Variants in ZNF407 observed in about 807,000 individuals in gnomAD.
ZNF407 encodes zinc finger protein 407.
Under a neutral mutation model 131.2 loss-of-function variants are expected in ZNF407, and 17 were observed. That is an observed-to-expected ratio of 0.13 (90% CI 0.09 to 0.19). The LOEUF (loss-of-function observed/expected upper bound fraction) is 0.19, where lower values mean the gene tolerates loss of function less well. Ranked by LOEUF, ZNF407 falls within the 10% of genes least tolerant of loss-of-function variation. ZNF407 has a pLI of 1.00. For synonymous variants in ZNF407, 1,156 were observed against 1,062.0 expected, an observed-to-expected ratio of 1.09 and a Z score of -1.72; for missense variants, 2,681 against 2,830.6, an observed-to-expected ratio of 0.95 and a Z score of 1.20.
At chr18:74,916,189 G>T (rs1354353874) in intron 7 of ZNF407, among the ~76,000 whole-genome samples, 2 of 81,554 alleles carry the variant, frequency 2.5e-5, no homozygotes. Context: ...GCATTGGTTC[G>T]AATCGGGAGT....
Position 74,633,129 on chromosome 18 carries a change from C to G in ZNF407, c.2110C>G (p.Gln704Glu). 1 of 1,613,292 alleles carries G rather than the reference C, an allele frequency of 6.2e-7. No homozygotes were observed. Among genetic ancestry groups the G allele is most frequent in the Non-Finnish European group, 8.5e-7 (1 of 1,179,740 alleles). Residue 704 changes from glutamine to glutamate, a missense_variant, in exon 2 of 9, where the codon CAG becomes GAG. Transcript: ENST00000299687. ...TGAAGTGAGGCATTCCAGTAAGCCT[C>G]AGTTTCAGTGTAAGAAGTGTTTTTA... ...GNEVRHSSKP[Q>E]FQCKKCFYKT... is the part of the protein sequence containing the mutation.
At chr18:74,939,021 G>C (rs551436848) in intron 8 of ZNF407, among the ~76,000 whole-genome samples, 2 of 152,246 alleles carry the variant, frequency 1.3e-5, no homozygotes, top group Non-Finnish European at 2.9e-5. Context: ...TGCAGGGTAA[G>C]ACATAATCTA....
At chr18:74,619,305 A>G (rs1983429467) in intron 1 of ZNF407, among the ~76,000 whole-genome samples, 1 of 152,212 alleles carries the variant, frequency 6.6e-6, no homozygotes, top group Non-Finnish European at 1.5e-5. Context: ...TGTGTCCTAC[A>G]GCTTATTGGT....
At chr18:74,666,463 G>T (rs1280247610) in intron 3 of ZNF407, among the ~76,000 whole-genome samples, 1 of 152,150 alleles carries the variant, frequency 6.6e-6, no homozygotes. Context: ...CCTCCATGGA[G>T]CCCAGTTGCC....
intron 8 of ZNF407, among the ~76,000 whole-genome samples, chr18:75,045,215 G>A (rs145581699): frequency 4.2e-4 from 64 of 152,186 alleles, no homozygotes; most frequent in East Asian, 3.5e-3. Context: ...AGATGTGATC[G>A]TCTCAGCAGA....
chr18:75,023,512 A>G (rs1468700126), intron 8 of ZNF407, among the ~76,000 whole-genome samples: 3 of 152,128 alleles, frequency 2.0e-5, no homozygotes, highest in Admixed American at 2.0e-4. Context: ...TTTAATAACT[A>G]CCTGTCTAAG....
intron 3 of ZNF407, among the ~76,000 whole-genome samples, chr18:74,740,410 C>T (rs1007071227): frequency 3.3e-5 from 5 of 152,132 alleles, no homozygotes; most frequent in African/African-American, 1.2e-4. Flanking sequence ...TAGTAGGTAA[C>T]GTTTACAGGT....
intron 1 of ZNF407, among the ~76,000 whole-genome samples, chr18:74,600,736 A>G (rs1982543454): frequency 6.6e-6 from 1 of 152,208 alleles, no homozygotes. Context: ...AAGACTTCCA[A>G]GCGTCAAAAG....
At chr18:75,006,448 G>GT (rs1327097778) in intron 8 of ZNF407, among the ~76,000 whole-genome samples, 13 of 152,128 alleles carry the variant, frequency 8.5e-5, no homozygotes, top group African/African-American at 2.4e-4. Flanking sequence ...GCTGCATCCT[G>GT]TAAGTTTTTA....
chr18:74,788,072 A>G (rs903531822), intron 4 of ZNF407, among the ~76,000 whole-genome samples: 1 of 152,224 alleles, frequency 6.6e-6, no homozygotes, highest in Non-Finnish European at 1.5e-5. Flanking sequence ...TGGGAAGCTC[A>G]TGGCCAAAAT....
At chr18:74,787,678 A>T (rs1599153721) in intron 4 of ZNF407, among the ~76,000 whole-genome samples, 1 of 152,266 alleles carries the variant, frequency 6.6e-6, no homozygotes, top group African/African-American at 2.4e-5. Flanking sequence ...TGATGTCACG[A>T]TTCCTTCTTT....
chr18:74,915,635 TGTGC>T (rs1361157187), intron 7 of ZNF407, among the ~76,000 whole-genome samples: 3 of 128,466 alleles, frequency 2.3e-5, no homozygotes, highest in Non-Finnish European at 3.3e-5. Context: ...TGTGTGTGTG[TGTGC>T]GTGCATGTGT....
In ZNF407 at chr18:74,775,501, A is replaced by C. The variant is rs538774082; in HGVS notation, c.4803-5927A>C. Reference sequence around the variant, plus strand: ...GCAGTATGTGGTAATCTGAGTAGACATTATCAGATAGTTTCTCACATATTT... The same window carrying C: ...GCAGTATGTGGTAATCTGAGTAGACCTTATCAGATAGTTTCTCACATATTT... On this transcript the variant is annotated intron_variant, in intron 3 of 8. Transcript: ENST00000299687. Among the ~76,000 whole-genome samples the C allele has an allele frequency of 5.9e-5, 9 of 152,346 alleles. No homozygotes were observed. In the South Asian group the frequency reaches 1.9e-3, roughly 32 times the overall value.
At chr18:74,724,236 G>A (rs1968105654) in intron 3 of ZNF407, among the ~76,000 whole-genome samples, 1 of 151,452 alleles carries the variant, frequency 6.6e-6, no homozygotes, top group African/African-American at 2.4e-5. Context: ...TACATATTTG[G>A]GGATATAGTT....
At chr18:74,995,340 G>C (rs1972767883) in intron 8 of ZNF407, among the ~76,000 whole-genome samples, 1 of 145,640 alleles carries the variant, frequency 6.9e-6, no homozygotes, top group Non-Finnish European at 1.5e-5. Flanking sequence ...GTCACAAAAG[G>C]GGCAGCCAAG....
intron 4 of ZNF407, among the ~76,000 whole-genome samples, chr18:74,830,578 C>T (rs1970468579): frequency 6.6e-6 from 1 of 152,174 alleles, no homozygotes; most frequent in South Asian, 2.1e-4. Context: ...TGCACCTAGC[C>T]AGATTTAATT....
chr18:74,729,491 TTG>T (rs201043829), intron 3 of ZNF407, among the ~76,000 whole-genome samples: 10 of 152,000 alleles, frequency 6.6e-5, no homozygotes, highest in African/African-American at 2.4e-4. Context: ...CAAGTGTGGT[TTG>T]TGTGTGTGTG....
rs1973664617 is a variant in ZNF407, at chr18:75,063,464, A to G, written c.5743A>G (p.Ser1915Gly). The G allele has an allele frequency of 6.2e-7, 1 of 1,605,462 alleles. No homozygotes were observed. Among genetic ancestry groups the G allele is most frequent in the African/African-American group, 1.3e-5 (1 of 74,804 alleles). Residue 1915 changes from serine (S) to glycine (G), a missense_variant, in exon 9 of 9, where the codon AGT becomes GGT. Transcript: ENST00000299687. The surrounding 1 kb of genome is among the most constrained non-coding windows in gnomAD (Gnocchi z 6.6). ...GGAGGATGGCCAGGTCATCGCCACG[A>G]GTCAGAGCGGGGCACATGTAGGCAG... ...ITEDGQVIAT[S>G]QSGAHVGSVV...
At chr18:74,791,113 G>A (rs554990257) in intron 4 of ZNF407, among the ~76,000 whole-genome samples, 3 of 152,200 alleles carry the variant, frequency 2.0e-5, no homozygotes, top group South Asian at 2.1e-4. Context: ...TGATAATCCC[G>A]TTTGAGACAT....
Sources: allele counts gnomAD v4.1 joint callset (sites outside exome capture counted in the v4.1 genomes callset), GRCh38; gene constraint gnomAD v4.1.1; non-coding constraint Gnocchi (gnomAD v3.1); transcripts MANE v1.5; gene names NCBI Gene and HGNC (gene_info 2026-07-23, HGNC 2026-07-21).